Variants in FAM186B observed in about 807,000 individuals in gnomAD.
The protein encoded by FAM186B is protein FAM186B.
FAM186B carries 68 observed loss-of-function variants against 83.4 expected under a neutral mutation model. The ratio of observed to expected loss-of-function variants is 0.81; its 90% CI spans 0.67 to 1.00. The LOEUF (loss-of-function observed/expected upper bound fraction) is 1.00. FAM186B is among the 50% of genes least tolerant of loss of function. The pLI, the probability that FAM186B is intolerant of heterozygous loss-of-function variation, is 0.00. For synonymous variants in FAM186B, 389 were observed against 422.0 expected (o/e 0.92, Z 0.96); for missense variants, 983 against 1,099.2 (o/e 0.89, Z 1.49).
chr12:49,598,508 A>G (rs1488384521), intron 5 of FAM186B, among the ~76,000 whole-genome samples: 1 of 152,110 alleles, frequency 6.6e-6, no homozygotes, highest in African/African-American at 2.4e-5. Context: ...TTTTGAAGAG[A>G]CATCTCTCTC....
At chr12:49,605,238 A>G in intron 1 of FAM186B, 144 bp downstream of exon 1, 1 of 1,497,252 alleles carries the variant, frequency 6.7e-7, no homozygotes, top group South Asian at 1.3e-5. Context: ...GATAATTTAT[A>G]CTAATCTGTC....
At position 49,600,168 on chromosome 12, in the gene FAM186B, T is replaced by C. The variant is rs1565810584; in HGVS notation, c.1472A>G (p.Gln491Arg). The C allele has an allele frequency of 6.2e-7, 1 of 1,613,500 alleles. No homozygotes were observed. Among genetic ancestry groups the C allele is most frequent in the South Asian group, 1.1e-5 (1 of 91,024 alleles). Reference sequence around the variant, plus strand: ...CATCTCCTCCTCCTCCAGCCACAGCTGCCTCCGCATCTCCCGGCCGAATTC... The same window carrying C: ...CATCTCCTCCTCCTCCAGCCACAGCCGCCTCCGCATCTCCCGGCCGAATTC... ...EEEFGREMRR[Q>R]LWLEEEEMWQ... Residue 491 changes from glutamine to arginine, a missense_variant, in exon 4 of 7, where the codon CAG (glutamine) becomes CGG (arginine). By Grantham distance (43) the Gln-to-Arg change is conservative (BLOSUM62 1). Transcript: ENST00000257894. This position sits in a 1 kb window ranked among gnomAD's most constrained non-coding sequence, Gnocchi z 4.3.
upstream of FAM186B, among the ~76,000 whole-genome samples, chr12:49,607,993 C>A (rs973768881): frequency 2.0e-5 from 3 of 151,812 alleles, no homozygotes; most frequent in Non-Finnish European, 2.9e-5. Context: ...AGCCACCGCA[C>A]CCAGCTGAGG....
At chr12:49,587,188 A>G (rs559668039), downstream of FAM186B, among the ~76,000 whole-genome samples, 1 of 152,112 alleles carries the variant, frequency 6.6e-6, no homozygotes, top group African/African-American at 2.4e-5. Context: ...GAAGATAGTA[A>G]GGAAAGGAAG....
downstream of FAM186B, among the ~76,000 whole-genome samples, chr12:49,587,338 A>G (rs1939466667): frequency 6.6e-6 from 1 of 152,142 alleles, no homozygotes; most frequent in Admixed American, 6.5e-5. Context: ...TGTGCAGCCC[A>G]GGAGGCCAGT....
At chr12:49,598,379 A>G (rs915561078) in intron 5 of FAM186B, among the ~76,000 whole-genome samples, 47 of 152,222 alleles carry the variant, frequency 3.1e-4, no homozygotes, top group African/African-American at 1.1e-3. Flanking sequence ...GAGAGCCACC[A>G]GACTGACAGG....
the FAM186B span, among the ~76,000 whole-genome samples, chr12:49,622,197 C>G: frequency 5.9e-5 from 9 of 151,842 alleles, no homozygotes; most frequent in Admixed American, 2.0e-4. Context: ...GCCGGTGGTC[C>G]GTCCTCCTCC....
At chr12:49,616,191 G>A in the FAM186B span, among the ~76,000 whole-genome samples, 9 of 152,142 alleles carry the variant, frequency 5.9e-5, no homozygotes, top group East Asian at 5.8e-4. Flanking sequence ...CACCATGCTC[G>A]GCTAATTTTT....
downstream of FAM186B, chr12:49,587,375 C>CG: frequency 1.7e-6 from 1 of 576,006 alleles, no homozygotes; most frequent in Non-Finnish European, 3.1e-6. Flanking sequence ...CTGGTGGCCT[C>CG]TGAGACACTA....
chr12:49,619,833 C>G, the FAM186B span, among the ~76,000 whole-genome samples: 4 of 151,810 alleles, frequency 2.6e-5, no homozygotes, highest in South Asian at 4.2e-4. Context: ...CGCCACCACG[C>G]CCAGCTAATT....
the FAM186B span, among the ~76,000 whole-genome samples, chr12:49,621,121 G>A: frequency 7.2e-5 from 11 of 152,284 alleles, no homozygotes; most frequent in South Asian, 2.1e-4. Context: ...AGTGACTCAC[G>A]CCTGTAATCC....
At position 49,605,613 on chromosome 12, in the gene FAM186B, G is replaced by T; in HGVS notation, c.-136C>A. On this transcript the variant is annotated 5_prime_UTR_variant, in exon 1 of 7. Coordinates refer to ENST00000257894, the MANE Select transcript of FAM186B (RefSeq NM_032130.3). ...CCTCTGCCCAGGCACAGCTCCTCTG[G>T]TAACTGCCAAACACCAGGTTCCAAC... 1.2e-6 allele frequency: 1 copy of T among 833,942 alleles called. No individual in the cohort carries two copies. Among genetic ancestry groups the T allele is most frequent in the Non-Finnish European group, 1.8e-6 (1 of 545,794 alleles). 51.7% of individuals were successfully genotyped at this position (833,942 alleles called of 1,614,324 possible).
At chr12:49,617,877 G>A in the FAM186B span, among the ~76,000 whole-genome samples, 1 of 152,180 alleles carries the variant, frequency 6.6e-6, no homozygotes, top group Non-Finnish European at 1.5e-5. Context: ...AGATGGATGA[G>A]AGATTACTCA....
At chr12:49,589,978 CA>C (rs57724815) in intron 5 of FAM186B, among the ~76,000 whole-genome samples, 1,410 of 60,696 alleles carry the variant, frequency 0.023, 9 homozygotes, top group African/African-American at 0.072. Flanking sequence ...ACTCTGTCTC[CA>C]AAAAAAAAAA....
chr12:49,590,068 G>A (rs1939548647), intron 5 of FAM186B, among the ~76,000 whole-genome samples: 2 of 149,954 alleles, frequency 1.3e-5, no homozygotes, highest in African/African-American at 2.5e-5. Context: ...TATCTCTTTG[G>A]CCTTTTTTTT....
chr12:49,590,666 T>G (rs1325005930), intron 5 of FAM186B, among the ~76,000 whole-genome samples: 1 of 152,076 alleles, frequency 6.6e-6, no homozygotes, highest in African/African-American at 2.4e-5. Flanking sequence ...AAACACGAGG[T>G]CTCAGTAAGG....
the FAM186B span, among the ~76,000 whole-genome samples, chr12:49,614,584 G>A: frequency 6.6e-6 from 1 of 152,182 alleles, no homozygotes; most frequent in Non-Finnish European, 1.5e-5. Flanking sequence ...CGGGAAGCAG[G>A]AGGGAGAAAA....
intron 5 of FAM186B, chr12:49,595,207 G>A: frequency 1.7e-6 from 1 of 602,504 alleles, no homozygotes; most frequent in Non-Finnish European, 3.0e-6. Flanking sequence ...GAGGCAAGCT[G>A]GGATTAAGGT....
intron 3 of FAM186B, 95 bp from the exon 4 acceptor site, chr12:49,601,229 C>T: frequency 1.4e-6 from 2 of 1,466,338 alleles, no homozygotes; most frequent in South Asian, 2.9e-5. Context: ...ATGGCAACCC[C>T]CTTAGGGATT....
Sources: gnomAD v4.1 joint callset for allele counts (sites outside exome capture counted in the v4.1 genomes callset) on GRCh38, gnomAD v4.1.1 for gene constraint, Gnocchi (gnomAD v3.1) non-coding constraint, MANE v1.5 for transcripts, NCBI Gene and HGNC (gene_info 2026-07-23, HGNC 2026-07-21) for gene names.